The following LRMDA variants were observed in gnomAD, a reference collection of about 807,000 sequenced individuals.
LRMDA encodes leucine rich melanocyte differentiation associated, also known as leucine-rich melanocyte differentiation-associated protein.
Under a neutral mutation model 29.8 loss-of-function variants are expected in LRMDA, and 18 were observed. The observed-to-expected ratio is 0.60, with a 90% CI of 0.42 to 0.90. LRMDA has a LOEUF of 0.90. Among genes scored for constraint, LRMDA ranks in the 40% least tolerant of loss-of-function variants. The pLI is 0.00. For synonymous variants in LRMDA, 125 were observed against 109.4 expected (o/e 1.14, Z -0.89); for missense variants, 273 against 273.9 (o/e 1.00, Z 0.02).
At chr10:76,470,994 T>A (rs139110185) in intron 6 of LRMDA, among the ~76,000 whole-genome samples, 56 of 151,980 alleles carry the variant, frequency 3.7e-4, no homozygotes, top group Non-Finnish European at 6.3e-4. Context: ...ATAATATGTA[T>A]GTAATTATAT....
intron 2 of LRMDA, among the ~76,000 whole-genome samples, chr10:75,913,049 T>C (rs949440036): frequency 3.9e-5 from 6 of 152,200 alleles, no homozygotes; most frequent in Non-Finnish European, 7.3e-5. Flanking sequence ...ATGACTTTCA[T>C]AGACGCTAGG....
intron 5 of LRMDA, among the ~76,000 whole-genome samples, chr10:76,134,501 A>G (rs1045123426): frequency 6.6e-6 from 1 of 152,212 alleles, no homozygotes; most frequent in African/African-American, 2.4e-5. Flanking sequence ...GGACACTATT[A>G]TAGCCACAAA....
chr10:76,341,742 C>T (rs1262413181), intron 6 of LRMDA, among the ~76,000 whole-genome samples: 1 of 152,060 alleles, frequency 6.6e-6, no homozygotes, highest in African/African-American at 2.4e-5. Flanking sequence ...GGCTAAGGGC[C>T]CCCCTTTCCC....
chr10:76,028,251 T>A (rs1420487611), intron 2 of LRMDA, among the ~76,000 whole-genome samples: 1 of 152,196 alleles, frequency 6.6e-6, no homozygotes, highest in African/African-American at 2.4e-5. Context: ...ATTTTTATTA[T>A]TGACAAATTT....
At chr10:76,338,277 C>T (rs981981681) in intron 6 of LRMDA, among the ~76,000 whole-genome samples, 5 of 151,852 alleles carry the variant, frequency 3.3e-5, no homozygotes, top group Non-Finnish European at 5.9e-5. Context: ...TGCTTGAATC[C>T]AGGAGTTTGA....
chr10:76,060,233 G>A (rs143692908), intron 5 of LRMDA, among the ~76,000 whole-genome samples: 43 of 152,178 alleles, frequency 2.8e-4, no homozygotes, highest in African/African-American at 9.2e-4. Context: ...CTGTATTCAC[G>A]TGTATACCTG....
chr10:75,776,612 C>G (rs373705583), intron 2 of LRMDA, among the ~76,000 whole-genome samples: 1 of 152,152 alleles, frequency 6.6e-6, no homozygotes, highest in African/African-American at 2.4e-5. Flanking sequence ...GAGATTGGTT[C>G]CCCTAAGTAA....
At chr10:76,034,342 T>C (rs1848202815) in intron 2 of LRMDA, among the ~76,000 whole-genome samples, 1 of 152,196 alleles carries the variant, frequency 6.6e-6, no homozygotes, top group African/African-American at 2.4e-5. Context: ...AGTTGTGTTT[T>C]GCCTCTCGGA....
chr10:76,127,881 G>A (rs1849913388), intron 5 of LRMDA, among the ~76,000 whole-genome samples: 1 of 151,980 alleles, frequency 6.6e-6, no homozygotes. Flanking sequence ...AAGCCTATAT[G>A]GAAAGAGCAG....
intron 5 of LRMDA, among the ~76,000 whole-genome samples, chr10:76,276,366 G>T (rs893368673): frequency 6.6e-6 from 1 of 151,606 alleles, no homozygotes; most frequent in African/African-American, 2.4e-5. Context: ...CTGGTCTCAA[G>T]CCCCTGGGCT....
chr10:76,449,744 A>G (rs563763564), intron 6 of LRMDA, among the ~76,000 whole-genome samples: 6 of 151,976 alleles, frequency 3.9e-5, no homozygotes, highest in Admixed American at 1.3e-4. Context: ...TTTATAAACT[A>G]TATACTAAAT....
Position 76,395,320 on chromosome 10 carries a change from A to G in LRMDA, c.601+70835A>G, listed in dbSNP as rs73290796. Among the ~76,000 whole-genome samples, 906 of 152,222 alleles carry G rather than the reference A, an allele frequency of 6.0e-3. 9 individuals are homozygous for G. The highest frequency in any genetic ancestry group is 0.018 in the African/African-American group (759 of 41,520). ...TAATTGCCTCATTATTATATTTTCTATATAATATGCATCTTTGGATTCATA... is the reference window on the plus strand; with the variant it reads ...TAATTGCCTCATTATTATATTTTCTGTATAATATGCATCTTTGGATTCATA... On this transcript the variant is annotated intron_variant, in intron 6 of 6. Coordinates refer to ENST00000611255, the MANE Select transcript of LRMDA (RefSeq NM_001305581.2).
At chr10:76,353,432 A>G (rs536160644) in intron 6 of LRMDA, among the ~76,000 whole-genome samples, 1 of 152,020 alleles carries the variant, frequency 6.6e-6, no homozygotes, top group Admixed American at 6.6e-5. Flanking sequence ...AGGTTGACAC[A>G]TGCATGCAGA....
rs58796439 is a variant in LRMDA, at chr10:75,714,835, TTCCCTCCC to T, written c.131+276359_131+276366del. Among the ~76,000 whole-genome samples the T allele has an allele frequency of 1.6e-3, 201 of 125,260 alleles. 2 individuals are homozygous for T. The highest frequency in any genetic ancestry group is 4.0e-3 in the Middle Eastern group (1 of 250). The allele number at this position is 125,260 out of a possible 152,430, so 82.2% of individuals were successfully genotyped here. ...CCTCCTTCTTTCCCTTCCTCCTTCTTTCCCTCCCTCCCTCCCTCCCTCCCTTCCTTCCT... is the reference window on the plus strand; with the variant it reads ...CCTCCTTCTTTCCCTTCCTCCTTCTTTCCCTCCCTCCCTCCCTTCCTTCCT... On this transcript the variant is annotated intron_variant, in intron 2 of 6. Coordinates refer to ENST00000611255, the MANE Select transcript of LRMDA (RefSeq NM_001305581.2).
chr10:75,757,515 G>A (rs1209752535), intron 2 of LRMDA, among the ~76,000 whole-genome samples: 1 of 152,144 alleles, frequency 6.6e-6, no homozygotes, highest in East Asian at 1.9e-4. Flanking sequence ...TGGGGGCCCT[G>A]GCATTGGTCC....
intron 5 of LRMDA, among the ~76,000 whole-genome samples, chr10:76,158,313 T>G (rs1850579838): frequency 6.6e-6 from 1 of 152,156 alleles, no homozygotes; most frequent in African/African-American, 2.4e-5. Flanking sequence ...CTTTCCTATA[T>G]AAAACCTTCT....
At chr10:75,594,296 A>G (rs1840759771) in intron 2 of LRMDA, among the ~76,000 whole-genome samples, 1 of 152,172 alleles carries the variant, frequency 6.6e-6, no homozygotes, top group Admixed American at 6.5e-5. Flanking sequence ...GCTTTCTCCT[A>G]GGCCACCAGG....
intron 2 of LRMDA, among the ~76,000 whole-genome samples, chr10:75,811,073 C>A (rs1022604931): frequency 1.3e-5 from 2 of 152,110 alleles, no homozygotes; most frequent in African/African-American, 4.8e-5. Context: ...ATGCACAGCT[C>A]TTTGTACTGA....
intron 2 of LRMDA, among the ~76,000 whole-genome samples, chr10:76,011,356 C>A (rs1564629692): frequency 1.3e-5 from 2 of 152,204 alleles, no homozygotes; most frequent in Admixed American, 6.5e-5. Context: ...AGAGGGGCCA[C>A]TTCCAATCCC....
Sources: allele counts gnomAD v4.1 joint callset (sites outside exome capture counted in the v4.1 genomes callset), GRCh38; gene constraint gnomAD v4.1.1; transcripts MANE v1.5; gene names NCBI Gene and HGNC (gene_info 2026-07-23, HGNC 2026-07-21).